Variants in MKLN1 observed in about 807,000 individuals in gnomAD.
MKLN1 encodes the protein muskelin.
MKLN1 carries 18 observed loss-of-function variants against 99.0 expected under a neutral mutation model. That is an observed-to-expected ratio of 0.18 (90% confidence interval 0.13 to 0.27). MKLN1 has a LOEUF of 0.27. Ranked by LOEUF, MKLN1 falls within the 10% of genes least tolerant of loss-of-function variation. MKLN1 has a pLI of 1.00. For synonymous variants in MKLN1, 288 were observed against 293.2 expected (o/e 0.98, Z 0.18); for missense variants, 621 against 875.9 (o/e 0.71, Z 3.67).
intron 1 of MKLN1, among the ~76,000 whole-genome samples, chr7:131,336,421 G>T (rs1458296872): frequency 4.6e-5 from 7 of 151,822 alleles, no homozygotes; most frequent in Admixed American, 4.6e-4. Context: ...CTCATTAATG[G>T]TAAATATAAT....
chr7:131,125,237 G>A lies in MKLN1; in HGVS notation c.-419+15030G>A, dbSNP rs73147702. Among the ~76,000 whole-genome samples the A allele has an allele frequency of 8.8e-3, 1,336 of 152,274 alleles. 9 individuals carry two copies. The highest frequency in any genetic ancestry group is 0.013 in the Non-Finnish European group (902 of 68,034). On this transcript the variant is annotated intron_variant, in intron 1 of 7. Coordinates refer to the MKLN1 transcript ENST00000416992. ...AGTCTCATTCTGCTGAAAAGTGATC[G>A]TCAAATAAAGTTGGCATGACTTAAA...
intron 2 of MKLN1, among the ~76,000 whole-genome samples, chr7:131,152,433 T>G (rs1795900692): frequency 1.3e-5 from 2 of 152,158 alleles, no homozygotes; most frequent in Admixed American, 1.3e-4. Flanking sequence ...AAATATTCAG[T>G]GTTGGAATTT....
intron 9 of MKLN1, among the ~76,000 whole-genome samples, chr7:131,433,741 A>T (rs1038421791): frequency 2.6e-5 from 4 of 152,148 alleles, no homozygotes; most frequent in Non-Finnish European, 2.9e-5. Flanking sequence ...CGATTACTGT[A>T]GCTTTATAGT....
chr7:131,468,857 T>C (rs1309732455), intron 15 of MKLN1, among the ~76,000 whole-genome samples: 1 of 152,194 alleles, frequency 6.6e-6, no homozygotes, highest in Non-Finnish European at 1.5e-5. Flanking sequence ...TGTGGGTGTG[T>C]GTTGGTTAGG....
chr7:131,126,738 G>C (rs966243212), intron 1 of MKLN1, among the ~76,000 whole-genome samples: 3 of 152,168 alleles, frequency 2.0e-5, no homozygotes, highest in African/African-American at 7.2e-5. Context: ...ATTTTTAGTA[G>C]AGATGGGGTT....
rs371700523 is a variant in MKLN1, at chr7:131,340,468, G to A, written c.98+12471G>A. On this transcript the variant is annotated intron_variant, in intron 1 of 17. Transcript: ENST00000352689. ...TAATTTTTGTATTTTTAGTAGAGGC[G>A]GAGTTTCATCATGTTGGCCAGGCTG... Among the ~76,000 whole-genome samples the A allele has an allele frequency of 1.3e-4, 20 of 151,870 alleles. No individual in the cohort carries two copies. In the East Asian group the frequency reaches 1.5e-3, roughly 12 times the overall value.
intron 1 of MKLN1, among the ~76,000 whole-genome samples, chr7:131,133,686 C>T (rs935851977): frequency 4.6e-5 from 7 of 151,144 alleles, no homozygotes; most frequent in Non-Finnish European, 8.8e-5. Flanking sequence ...TGGGGTCTCA[C>T]TATGTTGACC....
chr7:131,458,278 T>C (rs1412972454), intron 12 of MKLN1, among the ~76,000 whole-genome samples: 1 of 152,234 alleles, frequency 6.6e-6, no homozygotes, highest in Non-Finnish European at 1.5e-5. Context: ...ACATAAAATA[T>C]TCTCAGGCAT....
intron 17 of MKLN1, among the ~76,000 whole-genome samples, chr7:131,485,367 A>G (rs1797243315): frequency 6.6e-6 from 1 of 152,124 alleles, no homozygotes; most frequent in Admixed American, 6.5e-5. Context: ...GAATGTCAAC[A>G]ACTGTAGAAG....
At chr7:131,298,608 T>A (rs1798329539) in intron 3 of MKLN1, among the ~76,000 whole-genome samples, 1 of 152,202 alleles carries the variant, frequency 6.6e-6, no homozygotes, top group Admixed American at 6.5e-5. Flanking sequence ...CTCACAGATC[T>A]TGTTTGTTTA....
intron 1 of MKLN1, among the ~76,000 whole-genome samples, chr7:131,117,836 T>C (rs1206705929): frequency 2.6e-5 from 4 of 152,104 alleles, no homozygotes; most frequent in African/African-American, 9.7e-5. Flanking sequence ...GATGATTGAT[T>C]GGAAATAGTG....
chr7:131,361,093 T>C (rs1800015648), intron 1 of MKLN1, among the ~76,000 whole-genome samples: 1 of 152,008 alleles, frequency 6.6e-6, no homozygotes, highest in Non-Finnish European at 1.5e-5. Context: ...TTGAATATGA[T>C]ACTCCAACTT....
chr7:131,120,997 A>G (rs2895221), intron 1 of MKLN1, among the ~76,000 whole-genome samples: 150,830 of 152,350 alleles, frequency 0.99, 74,690 homozygotes, highest in Middle Eastern at 1. Flanking sequence ...GTGGGACTGG[A>G]TAATTTATAA....
intron 1 of MKLN1, among the ~76,000 whole-genome samples, chr7:131,115,744 G>A (rs1795266722): frequency 6.6e-6 from 1 of 151,990 alleles, no homozygotes; most frequent in South Asian, 2.1e-4. Flanking sequence ...ATTTGCTCTT[G>A]TATTATAGGA....
intron 1 of MKLN1, among the ~76,000 whole-genome samples, chr7:131,369,681 T>C (rs1233228458): frequency 6.6e-6 from 1 of 152,252 alleles, no homozygotes; most frequent in Non-Finnish European, 1.5e-5. Context: ...TGGCACTTTT[T>C]ATAACACAAA....
At chr7:131,473,128 A>G (rs1330975287) in intron 16 of MKLN1, among the ~76,000 whole-genome samples, 5 of 152,130 alleles carry the variant, frequency 3.3e-5, no homozygotes, top group Non-Finnish European at 7.4e-5. Flanking sequence ...TTTATATCCA[A>G]CAGTCTGTTT....
chr7:131,157,452 T>C (rs1331134014), intron 2 of MKLN1, among the ~76,000 whole-genome samples: 1 of 152,146 alleles, frequency 6.6e-6, no homozygotes, highest in Non-Finnish European at 1.5e-5. Context: ...TGCCTTCACC[T>C]GCCACTTGCT....
chr7:131,123,038 A>AAAAG (rs1795400207), intron 1 of MKLN1, among the ~76,000 whole-genome samples: 1 of 144,920 alleles, frequency 6.9e-6, no homozygotes, highest in Admixed American at 6.8e-5. Context: ...AAAAAAAAAA[A>AAAAG]AAAAAAAAAA....
chr7:131,261,300 A>C (rs1449261110), intron 3 of MKLN1, among the ~76,000 whole-genome samples: 1 of 152,200 alleles, frequency 6.6e-6, no homozygotes, highest in Non-Finnish European at 1.5e-5. Context: ...ATTAACAAGC[A>C]AAAAACAACC....
Sources: gnomAD v4.1 joint callset for allele counts (sites outside exome capture counted in the v4.1 genomes callset) on GRCh38, gnomAD v4.1.1 for gene constraint, MANE v1.5 for transcripts, NCBI Gene and HGNC (gene_info 2026-07-23, HGNC 2026-07-21) for gene names.